Variants in WIPF2 observed in about 807,000 individuals in gnomAD.
WIPF2 encodes WAS/WASL interacting protein family member 2.
Under a neutral mutation model 38.8 loss-of-function variants are expected in WIPF2, and 23 were observed. The ratio of observed to expected loss-of-function variants is 0.59; its 90% CI spans 0.43 to 0.84. The LOEUF is 0.84. WIPF2 is among the 40% of genes least tolerant of loss of function. The pLI is 0.00. For synonymous variants in WIPF2, 210 were observed against 223.2 expected (o/e 0.94, Z 0.53); for missense variants, 574 against 580.5 (o/e 0.99, Z 0.11).
Position 40,264,981 on chromosome 17 carries a change from A to G in WIPF2, c.805A>G (p.Thr269Ala), listed in dbSNP as rs1249197487. ...PGVPNGPSSPTNESAPELPQR... is the reference protein window; with the variant it reads ...PGVPNGPSSPANESAPELPQR... ...GGTCCCCAATGGACCCTCTAGCCCC[A>G]CTAATGAGTCAGCCCCTGAGCTGCC... The change falls in exon 5 of 8, where the codon ACT (threonine) becomes GCT (alanine). Residue 269 changes from threonine (T) to alanine (A), a missense_variant. By Grantham distance (58) the Thr-to-Ala change is moderately conservative. Coordinates refer to ENST00000323571, the MANE Select transcript of WIPF2 (RefSeq NM_133264.5). 2 of 1,613,812 alleles carry G rather than the reference A, an allele frequency of 1.2e-6. No homozygotes were observed. The highest frequency in any genetic ancestry group is 3.3e-5 in the Admixed American group (2 of 59,980).
chr17:40,277,853 A>G (rs2032454397), intron 7 of WIPF2, among the ~76,000 whole-genome samples: 1 of 151,468 alleles, frequency 6.6e-6, no homozygotes, highest in South Asian at 2.1e-4. Context: ...AAGCCTCCCA[A>G]GTATCTAGGA....
chr17:40,245,007 T>C (rs558007696), intron 1 of WIPF2, among the ~76,000 whole-genome samples: 1 of 152,286 alleles, frequency 6.6e-6, no homozygotes, highest in African/African-American at 2.4e-5. Flanking sequence ...AAAGGAAGAC[T>C]CTAACCTGGG....
At chr17:40,237,088 A>G (rs2031000453) in intron 1 of WIPF2, among the ~76,000 whole-genome samples, 1 of 151,804 alleles carries the variant, frequency 6.6e-6, no homozygotes, top group Non-Finnish European at 1.5e-5. Flanking sequence ...ATTTCAATCT[A>G]TCCTGGGAAA....
intron 5 of WIPF2, among the ~76,000 whole-genome samples, chr17:40,273,236 T>C (rs1051721057): frequency 6.6e-6 from 1 of 152,152 alleles, no homozygotes; most frequent in Non-Finnish European, 1.5e-5. Flanking sequence ...AGTTTCATCA[T>C]GTTGCCCAGG....
In WIPF2 at chr17:40,265,102, A is replaced by G. The variant is rs1168345267; in HGVS notation, c.926A>G (p.Asn309Ser). 2 of 1,613,300 alleles carry G rather than the reference A, an allele frequency of 1.2e-6. No individual in the cohort carries two copies. Among genetic ancestry groups the G allele is most frequent in the Non-Finnish European group, 1.7e-6 (2 of 1,179,740 alleles). The change falls in exon 5 of 8, where the codon AAT becomes AGT. Residue 309 changes from asparagine to serine, a missense_variant. By Grantham distance (46) the Asn-to-Ser change is conservative (BLOSUM62 1). Transcript: ENST00000323571. ...PTSASPSLLS[N>S]RPPPPARDPP... ...TCGGCCTCCCCATCTTTACTGAGTA[A>G]TAGGCCACCTCCCCCAGCCCGAGAC... is the stretch of plus-strand genomic sequence containing the variant.
At position 40,277,135 on chromosome 17, in the gene WIPF2, A is replaced by G; in HGVS notation, c.1233A>G (p.Pro411=). The change falls in exon 7 of 8, where the codon CCA becomes CCG. Residue 411 remains proline (P), a synonymous_variant. Coordinates refer to ENST00000323571, the MANE Select transcript of WIPF2 (RefSeq NM_133264.5). The part of the protein sequence containing the change: ...SFHPVEDFPA[P]EEYKHFQRIY... ...ATCCAGTAGAAGACTTTCCTGCTCC[A>G]GAAGAATATAAACACTTTCAGAGGA... The G allele has an allele frequency of 1.2e-6, 2 of 1,613,694 alleles. No homozygotes were observed. The highest frequency in any genetic ancestry group is 1.1e-5 in the South Asian group (1 of 90,916).
At chr17:40,278,084 G>C in intron 7 of WIPF2, 101 bp from the exon 8 acceptor site, 4 of 1,366,008 alleles carry the variant, frequency 2.9e-6, no homozygotes, top group Non-Finnish European at 4.1e-6. Flanking sequence ...GATTTTAAAG[G>C]TTAGCTTAAA....
intron 1 of WIPF2, chr17:40,220,605 ATAT>A (rs1567705841): frequency 1.4e-4 from 16 of 116,312 alleles, no homozygotes; most frequent in African/African-American, 5.7e-4. Flanking sequence ...ATATATATAT[ATAT>A]ATATATATAT....
chr17:40,253,576 T>C (rs1426764410), intron 1 of WIPF2, among the ~76,000 whole-genome samples: 1 of 152,232 alleles, frequency 6.6e-6, no homozygotes, highest in Non-Finnish European at 1.5e-5. Context: ...TTTTAAAGCC[T>C]CGTATGTTAA....
At chr17:40,242,903 T>A (rs546258491) in intron 1 of WIPF2, among the ~76,000 whole-genome samples, 4 of 152,348 alleles carry the variant, frequency 2.6e-5, no homozygotes, top group African/African-American at 9.6e-5. Flanking sequence ...AGATTTTTTC[T>A]TTGCCTTGAG....
At chr17:40,260,905 C>T in intron 3 of WIPF2, 1 of 523,714 alleles carries the variant, frequency 1.9e-6, no homozygotes, top group South Asian at 1.9e-5. Context: ...GTAAGCCCAG[C>T]ACTTTGGGAG....
At position 40,283,730 on chromosome 17, in the gene WIPF2, GTATC is replaced by G. The variant is rs1430570068; in HGVS notation, c.*5507_*5510del. The G allele has an allele frequency of 6.6e-6, 1 of 152,168 alleles. No individual in the cohort carries two copies. Among genetic ancestry groups the G allele is most frequent in the Non-Finnish European group, 1.5e-5 (1 of 68,028 alleles). The allele number at this position is 152,168 out of a possible 1,614,324, so 9.4% of individuals were successfully genotyped here. On this transcript the variant is annotated 3_prime_UTR_variant, in exon 8 of 8. Transcript: ENST00000323571. Reference sequence around the variant, plus strand: ...TGGGGACAAAGCATACAGAATGTGTGTATCTGTTTTTATGTGGGTGTTGGCTGTT... The same window carrying G: ...TGGGGACAAAGCATACAGAATGTGTGTGTTTTTATGTGGGTGTTGGCTGTT...
chr17:40,235,332 G>T (rs1416265300), intron 1 of WIPF2, among the ~76,000 whole-genome samples: 2 of 152,156 alleles, frequency 1.3e-5, no homozygotes, highest in Non-Finnish European at 2.9e-5. Flanking sequence ...AAAAAATTTA[G>T]CGCCCAGTAT....
intron 1 of WIPF2, among the ~76,000 whole-genome samples, chr17:40,234,355 C>T (rs1469548360): frequency 1.3e-5 from 2 of 151,850 alleles, no homozygotes; most frequent in Non-Finnish European, 2.9e-5. Flanking sequence ...CTTGGGAGAA[C>T]CTGGGAGGCG....
chr17:40,220,480 C>T (rs1228535906), intron 1 of WIPF2: 6 of 148,778 alleles, frequency 4.0e-5, no homozygotes, highest in African/African-American at 1.5e-4. Flanking sequence ...CTTAAAGCCT[C>T]GACCTCCCGG....
intron 1 of WIPF2, among the ~76,000 whole-genome samples, chr17:40,243,849 G>C (rs1009651410): frequency 1.3e-5 from 2 of 151,996 alleles, no homozygotes; most frequent in Non-Finnish European, 2.9e-5. Context: ...ATTCATGATG[G>C]TTATGTGATT....
intron 5 of WIPF2, among the ~76,000 whole-genome samples, chr17:40,267,203 G>A (rs886426576): frequency 1.3e-5 from 2 of 152,130 alleles, no homozygotes; most frequent in Non-Finnish European, 2.9e-5. Context: ...GTGATTTGCA[G>A]GTACAGAAAA....
At chr17:40,240,660 C>T (rs2031157135) in intron 1 of WIPF2, among the ~76,000 whole-genome samples, 1 of 151,810 alleles carries the variant, frequency 6.6e-6, no homozygotes, top group African/African-American at 2.4e-5. Context: ...AAAAAAAAAT[C>T]CTGGCCAGGC....
chr17:40,221,480 T>A (rs1012262484), intron 1 of WIPF2, among the ~76,000 whole-genome samples: 2 of 152,012 alleles, frequency 1.3e-5, no homozygotes, highest in South Asian at 4.2e-4. Context: ...CTGCCTGTAA[T>A]CCCAGCTACT....
Sources: gnomAD v4.1 joint callset for allele counts (sites outside exome capture counted in the v4.1 genomes callset) on GRCh38, gnomAD v4.1.1 for gene constraint, MANE v1.5 for transcripts, NCBI Gene and HGNC (gene_info 2026-07-23, HGNC 2026-07-21) for gene names.